The following HSD17B4 variants were observed in gnomAD, a reference collection of about 807,000 sequenced individuals.
HSD17B4 encodes hydroxysteroid 17-beta dehydrogenase 4.
A neutral mutation model predicts 101.0 loss-of-function variants in HSD17B4; 70 were observed. The ratio of observed to expected loss-of-function variants is 0.69; its 90% CI spans 0.57 to 0.85. The LOEUF is 0.85. Among genes scored for constraint, HSD17B4 ranks in the 40% least tolerant of loss-of-function variants. The pLI, the probability that HSD17B4 is intolerant of heterozygous loss-of-function variation, is 0.00. For synonymous variants in HSD17B4, 347 were observed against 297.1 expected, an observed-to-expected ratio of 1.17 and a Z score of -1.73; for missense variants, 984 against 892.4, an observed-to-expected ratio of 1.10 and a Z score of -1.31.
In HSD17B4 at chr5:119,473,970, G is replaced by A. The variant is rs375339818; in HGVS notation, c.175G>A (p.Val59Ile). ...AGGCTCCTTAGCTGCTGATAAGGTT[G>A]TTGAAGAAATAAGAAGGAGAGGTGG... The part of the protein sequence containing the change: ...GKGSLAADKV[V>I]EEIRRRGGKA... The change falls in exon 3 of 24, where the codon GTT becomes ATT. Residue 59 changes from valine to isoleucine, a missense_variant. Val to Ile is a conservative substitution (Grantham distance 29). Coordinates refer to ENST00000510025, the MANE Select transcript of HSD17B4 (RefSeq NM_000414.4). The A allele has an allele frequency of 8.7e-6, 14 of 1,612,474 alleles. No homozygotes were observed. In the East Asian group the frequency reaches 1.8e-4, roughly 21 times the overall value.
chr5:119,495,234 A>T (rs578084635), intron 11 of HSD17B4, among the ~76,000 whole-genome samples: 72 of 152,264 alleles, frequency 4.7e-4, no homozygotes, highest in African/African-American at 1.7e-3. Flanking sequence ...AAATGAAAGA[A>T]AAGTATAGGA....
rs28943594 is a variant in HSD17B4, at chr5:119,541,965, A to G, written c.2182A>G (p.Met728Val). The change falls in exon 24 of 24, where the codon ATG becomes GTG. Residue 728 changes from methionine (M) to valine (V), a missense_variant. Transcript: ENST00000510025. ...CATCATGCTGAGCCAGAAACTTCAG[A>G]TGATTCTTAAAGACTACGCCAAGCT... ...GNIMLSQKLQMILKDYAKL is the reference protein window; with the variant it reads ...GNIMLSQKLQVILKDYAKL 10,140 of 1,612,746 alleles carry G rather than the reference A, an allele frequency of 6.3e-3. 401 individuals are homozygous for G. In the African/African-American group the frequency reaches 0.1, roughly 16 times the overall value.
At chr5:119,468,387 T>C (rs1396406447) in intron 2 of HSD17B4, among the ~76,000 whole-genome samples, 1 of 152,050 alleles carries the variant, frequency 6.6e-6, no homozygotes, top group Non-Finnish European at 1.5e-5. Flanking sequence ...TGGAGTAGTG[T>C]TCTTGGCTGG....
At chr5:119,475,646 A>T in intron 4 of HSD17B4, 60 bp from the exon 5 acceptor site, 1 of 1,318,822 alleles carries the variant, frequency 7.6e-7, no homozygotes, top group Non-Finnish European at 1.1e-6. Flanking sequence ...TGTGAGTTGT[A>T]AGCAAATGCA....
At chr5:119,514,846 A>AT (rs547875171) in intron 16 of HSD17B4, 135 bp from the exon 17 acceptor site, 17 of 660,658 alleles carry the variant, frequency 2.6e-5, no homozygotes, top group Admixed American at 1.5e-4. Flanking sequence ...CCTGAGCATG[A>AT]TTTTTTTTAA....
chr5:119,506,778 G>T, intron 14 of HSD17B4, 40 bp from the exon 15 acceptor site: 1 of 1,107,904 alleles, frequency 9.0e-7, no homozygotes, highest in South Asian at 1.3e-5. Flanking sequence ...AGTAATCTTT[G>T]GTTTTTAAGA....
rs1580736226 is a variant in HSD17B4, at chr5:119,541,932, A to G, written c.2149A>G (p.Arg717Gly). The G allele has an allele frequency of 1.9e-6, 3 of 1,612,812 alleles. No homozygotes were observed. The African/African-American group carries it at 4.0e-5, about 22-fold the overall frequency. The stretch of plus-strand genomic sequence containing the variant: ...ATTCTTTAGTGGCAGGCTGAAGGCC[A>G]GAGGGAACATCATGCTGAGCCAGAA... ...KAFFSGRLKA[R>G]GNIMLSQKLQ... The change falls in exon 24 of 24, where the codon AGA (arginine) becomes GGA (glycine). Residue 717 changes from arginine to glycine, a missense_variant. By Grantham distance (125) the Arg-to-Gly change is moderately radical. Coordinates refer to ENST00000510025, the MANE Select transcript of HSD17B4 (RefSeq NM_000414.4).
At chr5:119,491,960 T>C in intron 9 of HSD17B4, 140 bp from the exon 10 acceptor site, 2 of 766,450 alleles carry the variant, frequency 2.6e-6, no homozygotes, top group South Asian at 2.8e-5. Context: ...AGTGGACTCT[T>C]ACAGAGCTGT....
In HSD17B4 at chr5:119,496,652, T is replaced by TG; in HGVS notation, c.972+9dup. 4 of 1,528,218 alleles carry TG rather than the reference T, an allele frequency of 2.6e-6. No individual in the cohort carries two copies. The highest frequency in any genetic ancestry group is 1.8e-6 in the Non-Finnish European group (2 of 1,101,610). 94.7% of individuals were successfully genotyped at this position (1,528,218 alleles called of 1,614,324 possible). A position where few individuals can be genotyped will look rare whatever the true frequency, so the allele number is the denominator to read the frequency against. On this transcript the variant is annotated splice_region_variant and intron_variant, in intron 12 of 23. Coordinates refer to ENST00000510025, the MANE Select transcript of HSD17B4 (RefSeq NM_000414.4). ...CTACAGCAACATCAGGATTTGTAAGTGGGAAAAAAGCCTAAAGCGTTTGCC... is the reference window on the plus strand; with the variant it reads ...CTACAGCAACATCAGGATTTGTAAGTGGGGAAAAAAGCCTAAAGCGTTTGCC...
At chr5:119,510,470 C>G (rs1428924776) in intron 16 of HSD17B4, among the ~76,000 whole-genome samples, 1 of 152,084 alleles carries the variant, frequency 6.6e-6, no homozygotes, top group East Asian at 1.9e-4. Context: ...TAAGATTATA[C>G]TGTAGTCAAT....
At chr5:119,475,998 T>G in intron 6 of HSD17B4, 128 bp downstream of exon 6, 1 of 712,160 alleles carries the variant, frequency 1.4e-6, no homozygotes, top group South Asian at 1.5e-5. Flanking sequence ...AAATGATGAG[T>G]AAACTGTATA....
Position 119,482,206 on chromosome 5 carries a change from T to G in HSD17B4, c.622+3185T>G, listed in dbSNP as rs1395566204. On this transcript the variant is annotated intron_variant, in intron 8 of 23. Coordinates refer to ENST00000510025, the MANE Select transcript of HSD17B4 (RefSeq NM_000414.4). ...TGTTCCATTTTTCTCATTCTTTTTT[T>G]GCGTTTCCGTGCAGGAAGTTTGTAT... Among the ~76,000 whole-genome samples the G allele has an allele frequency of 5.3e-5, 8 of 152,160 alleles. No homozygotes were observed. In the East Asian group the frequency reaches 1.5e-3, roughly 29 times the overall value.
intron 2 of HSD17B4, among the ~76,000 whole-genome samples, chr5:119,471,863 T>C (rs568152551): frequency 1.1e-4 from 17 of 152,318 alleles, no homozygotes; most frequent in African/African-American, 3.8e-4. Context: ...ATACACTTTA[T>C]GCTAAAATCT....
rs768110940 is a variant in HSD17B4, at chr5:119,496,513, A to AT, written c.869-22dup. 1,076 of 1,127,726 alleles carry AT rather than the reference A, an allele frequency of 9.5e-4. 2 individuals are homozygous for AT. Among genetic ancestry groups the AT allele is most frequent in the Non-Finnish European group, 1.3e-3 (977 of 736,896 alleles). 69.9% of individuals were successfully genotyped at this position (1,127,726 alleles called of 1,614,324 possible). A position where few individuals can be genotyped will look rare whatever the true frequency, so the allele number is the denominator to read the frequency against. On this transcript the variant is annotated intron_variant, in intron 11 of 23. Transcript: ENST00000510025. The stretch of plus-strand genomic sequence containing the variant: ...TTAGTCACATCTTTAACAAAGCTTT[A>AT]TTTTTTTTGTTTTTCATTTTTCATT...
chr5:119,496,749 G>A, intron 12 of HSD17B4, 103 bp downstream of exon 12: 1 of 785,088 alleles, frequency 1.3e-6, no homozygotes, highest in Non-Finnish European at 2.4e-6. Flanking sequence ...CTTTTCTTTT[G>A]GATGCAGTTA....
At chr5:119,532,690 T>A (rs1187855259) in intron 22 of HSD17B4, among the ~76,000 whole-genome samples, 1 of 152,074 alleles carries the variant, frequency 6.6e-6, no homozygotes, top group Non-Finnish European at 1.5e-5. Flanking sequence ...TGAATCCTAT[T>A]TTATTGTTCT....
chr5:119,459,931 C>T (rs539076033), intron 2 of HSD17B4, among the ~76,000 whole-genome samples: 2 of 146,776 alleles, frequency 1.4e-5, no homozygotes, highest in South Asian at 2.2e-4. Context: ...ACTGCAGTGG[C>T]GCTATCTCGG....
At chr5:119,481,260 G>A (rs561999195) in intron 8 of HSD17B4, among the ~76,000 whole-genome samples, 10 of 152,192 alleles carry the variant, frequency 6.6e-5, no homozygotes, top group Non-Finnish European at 1.5e-4. Context: ...ATTAATTTGG[G>A]GAACTAATAA....
At chr5:119,479,283 C>T (rs1421760465) in intron 8 of HSD17B4, among the ~76,000 whole-genome samples, 1 of 151,702 alleles carries the variant, frequency 6.6e-6, no homozygotes, top group African/African-American at 2.4e-5. Context: ...TTGTTTTACA[C>T]AATGGGGTAA....
Sources: gnomAD v4.1 joint callset for allele counts (sites outside exome capture counted in the v4.1 genomes callset) on GRCh38, gnomAD v4.1.1 for gene constraint, MANE v1.5 for transcripts, NCBI Gene and HGNC (gene_info 2026-07-23, HGNC 2026-07-21) for gene names.